Variants in DNAJC6 observed in about 807,000 individuals in gnomAD.
DNAJC6 encodes the protein DnaJ heat shock protein family (Hsp40) member C6.
DNAJC6 carries 34 observed loss-of-function variants against 110.0 expected under a neutral mutation model. The ratio of observed to expected loss-of-function variants is 0.31; its 90% CI spans 0.24 to 0.41. DNAJC6 has a LOEUF of 0.41. Ranked by LOEUF, DNAJC6 falls within the 10% of genes least tolerant of loss-of-function variation. The probability of loss-of-function intolerance (pLI) is 1.00; values close to 1 mark genes in which losing one functional copy is unlikely to be tolerated. For missense variants in DNAJC6, 1,031 were observed against 1,207.8 expected (o/e 0.85, Z 2.17); for synonymous variants, 406 against 437.2 (o/e 0.93, Z 0.89).
chr1:65,408,307 A>G (rs1234806703), intron 16 of DNAJC6, among the ~76,000 whole-genome samples: 2 of 152,254 alleles, frequency 1.3e-5, no homozygotes, highest in Admixed American at 6.5e-5. Flanking sequence ...CCGAGATCCC[A>G]GTGCCAACAC....
At chr1:65,284,143 GT>G (rs1266981824) in intron 1 of DNAJC6, among the ~76,000 whole-genome samples, 1 of 152,166 alleles carries the variant, frequency 6.6e-6, no homozygotes. Flanking sequence ...GGCCTCTGAT[GT>G]TACAGCTCCT....
At chr1:65,389,946 A>G (rs1168773188) in intron 11 of DNAJC6, among the ~76,000 whole-genome samples, 2 of 152,088 alleles carry the variant, frequency 1.3e-5, no homozygotes, top group Non-Finnish European at 2.9e-5. Flanking sequence ...CCAGGAGTTC[A>G]AGGTTGCAGT....
intron 1 of DNAJC6, among the ~76,000 whole-genome samples, chr1:65,359,463 A>G (rs575498092): frequency 1.3e-5 from 2 of 152,334 alleles, no homozygotes; most frequent in East Asian, 1.9e-4. Context: ...CACAGACATC[A>G]TTGAAACAAG....
chr1:65,341,148 A>G (rs1645385671), intron 1 of DNAJC6, among the ~76,000 whole-genome samples: 1 of 152,172 alleles, frequency 6.6e-6, no homozygotes, highest in African/African-American at 2.4e-5. Flanking sequence ...AGCATCTTGC[A>G]TGAACCTAGC....
chr1:65,393,425 G>C (rs4332387), intron 12 of DNAJC6, among the ~76,000 whole-genome samples: 76,623 of 152,022 alleles, frequency 0.5, 19,606 homozygotes, highest in Middle Eastern at 0.64. Context: ...TCCTATAACG[G>C]CTTCCTGAAG....
chr1:65,411,464 CCTTGCTTCATTAT>C, intron 18 of DNAJC6, 38 bp downstream of exon 18: 4 of 1,572,132 alleles, frequency 2.5e-6, no homozygotes, highest in Non-Finnish European at 3.5e-6. Flanking sequence ...CTTGTCAGGT[CCTTGCTTCATTAT>C]CTTATGAGTA....
At chr1:65,394,216 C>A (rs1226991580) in intron 12 of DNAJC6, among the ~76,000 whole-genome samples, 2 of 152,152 alleles carry the variant, frequency 1.3e-5, no homozygotes, top group African/African-American at 4.8e-5. Context: ...CCTTAGACAT[C>A]AGTTAATTCT....
chr1:65,358,821 T>C (rs1173026194), intron 1 of DNAJC6, among the ~76,000 whole-genome samples: 1 of 152,232 alleles, frequency 6.6e-6, no homozygotes, highest in African/African-American at 2.4e-5. Context: ...ACTATCTTGA[T>C]GAACGTCTCT....
chr1:65,313,005 G>T lies in DNAJC6; in HGVS notation c.193+3067G>T, dbSNP rs182515550. Among the ~76,000 whole-genome samples the T allele has an allele frequency of 3.3e-5, 5 of 152,072 alleles. No homozygotes were observed. In the South Asian group the frequency reaches 6.2e-4, roughly 19 times the overall value. On this transcript the variant is annotated intron_variant, in intron 1 of 18. Transcript: ENST00000371069. ...AGTAGAGACGGGCTCTTGCCATGTT[G>T]GCCAGGCTGGTCTCGGACTCCTGGT...
chr1:65,325,761 A>C (rs117991423), intron 1 of DNAJC6, among the ~76,000 whole-genome samples: 1 of 152,340 alleles, frequency 6.6e-6, no homozygotes, highest in East Asian at 1.9e-4. Context: ...TTGTGCAAAC[A>C]TCATAGAGTG....
chr1:65,291,765 A>C (rs1043167899), intron 1 of DNAJC6, among the ~76,000 whole-genome samples: 1 of 152,164 alleles, frequency 6.6e-6, no homozygotes, highest in Admixed American at 6.5e-5. Flanking sequence ...CGAGGTAAGC[A>C]ATATTAGAAA....
chr1:65,379,656 G>A (rs1420167104), intron 5 of DNAJC6, 132 bp downstream of exon 5: 5 of 1,289,312 alleles, frequency 3.9e-6, no homozygotes, highest in Non-Finnish European at 4.2e-6. Context: ...ATTGGGTAAT[G>A]TGAGAGTTGT....
intron 1 of DNAJC6, among the ~76,000 whole-genome samples, chr1:65,360,877 G>A (rs1645590810): frequency 6.6e-6 from 1 of 152,172 alleles, no homozygotes; most frequent in South Asian, 2.1e-4. Flanking sequence ...GCTTATTGTA[G>A]GGATATCTGC....
intron 1 of DNAJC6, among the ~76,000 whole-genome samples, chr1:65,280,184 A>G (rs1472402400): frequency 6.6e-6 from 1 of 152,252 alleles, no homozygotes; most frequent in Non-Finnish European, 1.5e-5. Context: ...GGAAATTATG[A>G]AAATTCAGAA....
intron 1 of DNAJC6, among the ~76,000 whole-genome samples, chr1:65,301,436 A>G (rs750044034): frequency 2.0e-5 from 3 of 152,086 alleles, no homozygotes; most frequent in African/African-American, 4.8e-5. Context: ...ACAGTCCCCA[A>G]AACTGCTCCC....
chr1:65,339,257 C>T (rs557354268), intron 1 of DNAJC6, among the ~76,000 whole-genome samples: 4 of 152,262 alleles, frequency 2.6e-5, no homozygotes, highest in African/African-American at 9.6e-5. Flanking sequence ...AAGGTTTAAG[C>T]TGCTTATCTA....
chr1:65,362,459 T>C (rs911196599), intron 1 of DNAJC6, among the ~76,000 whole-genome samples: 1 of 152,196 alleles, frequency 6.6e-6, no homozygotes, highest in Non-Finnish European at 1.5e-5. Flanking sequence ...CATCATATAG[T>C]TGGAAAGTGA....
intron 8 of DNAJC6, among the ~76,000 whole-genome samples, chr1:65,387,543 A>G (rs1210401511): frequency 1.3e-5 from 2 of 152,218 alleles, no homozygotes; most frequent in African/African-American, 2.4e-5. Flanking sequence ...TAATGGAATC[A>G]TACAATATGT....
chr1:65,334,375 A>G (rs1161934893), intron 1 of DNAJC6, among the ~76,000 whole-genome samples: 1 of 152,252 alleles, frequency 6.6e-6, no homozygotes, highest in African/African-American at 2.4e-5. Flanking sequence ...GAGACAGTGC[A>G]GGCTACTGAG....
Sources: gnomAD v4.1 joint callset for allele counts (sites outside exome capture counted in the v4.1 genomes callset) on GRCh38, gnomAD v4.1.1 for gene constraint, MANE v1.5 for transcripts, NCBI Gene and HGNC (gene_info 2026-07-23, HGNC 2026-07-21) for gene names.